MED10: variants seen among roughly 807,000 people sequenced by gnomAD.
MED10 encodes mediator of RNA polymerase II transcription subunit 10.
MED10 carries 9 observed loss-of-function variants against 17.2 expected under a neutral mutation model. The observed-to-expected ratio is 0.52, with a 90% CI of 0.31 to 0.91. The LOEUF (loss-of-function observed/expected upper bound fraction) is 0.91. MED10 is among the 40% of genes least tolerant of loss of function. The pLI is 0.04. For synonymous variants in MED10, 66 were observed against 59.8 expected, an observed-to-expected ratio of 1.10 and a Z score of -0.48; for missense variants, 129 against 164.8, an observed-to-expected ratio of 0.78 and a Z score of 1.19.
At position 6,372,377 on chromosome 5, in the gene MED10, G is replaced by C. The variant is rs923399213; in HGVS notation, c.*126C>G. 5.4e-6 allele frequency: 4 copies of C among 737,664 alleles called. No homozygotes were observed. The highest frequency in any genetic ancestry group is 3.5e-5 in the African/African-American group (2 of 57,244). The allele number at this position is 737,664 out of a possible 1,614,324, so 45.7% of individuals were successfully genotyped here. A position where few individuals can be genotyped will look rare whatever the true frequency, so the allele number is the denominator to read the frequency against. On this transcript the variant is annotated 3_prime_UTR_variant, in exon 4 of 4. Transcript: ENST00000255764. ...CCCATGAGGCCAAACAATGAGGACA[G>C]AGGGGCTGAGGGGTGTGTCCAGGGC...
chr5:6,374,762 T>C, intron 2 of MED10: 1 of 212,262 alleles, frequency 4.7e-6, no homozygotes, highest in South Asian at 8.0e-5. Context: ...TTTTTGATCC[T>C]TACAGCAGCT....
In MED10 at chr5:6,372,537, C is replaced by T. The variant is rs1347732982; in HGVS notation, c.374G>A (p.Arg125Gln). 6.2e-6 allele frequency: 10 copies of T among 1,614,056 alleles called. No individual in the cohort carries two copies. In the Admixed American group the frequency reaches 6.7e-5, roughly 11 times the overall value. Reference protein sequence around the residue: ...KVFPEDMAKYRSIRGEDHPPS With the variant: ...KVFPEDMAKYQSIRGEDHPPS ...CGGGTGATCCTCCCCCCGGATGCTT[C>T]GATACTTAGCCATGTCTTCCGGAAA... Residue 125 changes from arginine to glutamine, a missense_variant, in exon 4 of 4, where the codon CGA (arginine) becomes CAA (glutamine). Arg to Gln is a conservative substitution (Grantham distance 43, BLOSUM62 1). Around this residue, in one of 3 missense-constraint regions of MED10, gnomAD observed 100 missense variants for 121.0 expected, o/e 0.83. Transcript: ENST00000255764.
At chr5:6,376,294 T>A (rs1050627495) in intron 2 of MED10, among the ~76,000 whole-genome samples, 2 of 152,224 alleles carry the variant, frequency 1.3e-5, no homozygotes, top group Non-Finnish European at 2.9e-5. Flanking sequence ...CTCTTTCCCT[T>A]TACTGCTTAA....
Position 6,372,359 on chromosome 5 carries a change from G to A in MED10, c.*144C>T, listed in dbSNP as rs1031234958. 14 of 659,652 alleles carry A rather than the reference G, an allele frequency of 2.1e-5. No individual in the cohort carries two copies. Among genetic ancestry groups the A allele is most frequent in the Admixed American group, 1.1e-4 (4 of 35,586 alleles). The allele number at this position is 659,652 out of a possible 1,614,324, so 40.9% of individuals were successfully genotyped here. Reference sequence around the variant, plus strand: ...CTCCTCCAGCCCCTCGGTCCCATGAGGCCAAACAATGAGGACAGAGGGGCT... The same window carrying A: ...CTCCTCCAGCCCCTCGGTCCCATGAAGCCAAACAATGAGGACAGAGGGGCT... On this transcript the variant is annotated 3_prime_UTR_variant, in exon 4 of 4. Transcript: ENST00000255764.
chr5:6,377,240 A>T lies in MED10; in HGVS notation c.132T>A (p.Ile44=). The change falls in exon 2 of 4, where the codon ATT becomes ATA. Residue 44 remains isoleucine (I), a synonymous_variant. Coordinates refer to ENST00000255764, the MANE Select transcript of MED10 (RefSeq NM_032286.3). ...QAGLNQKLNF[I]VTGLQDIDKC... is the part of the protein sequence containing the mutation. ...TGTCAATATCCTGTAAGCCAGTAAC[A>T]ATAAAATTCCTGGGGGAAAGGCAAA... The T allele has an allele frequency of 6.2e-7, 1 of 1,609,406 alleles. No homozygotes were observed. The highest frequency in any genetic ancestry group is 2.2e-5 in the East Asian group (1 of 44,820).
In MED10 at chr5:6,378,350, G is replaced by T; in HGVS notation, c.122+12C>A. 6.3e-7 allele frequency: 1 copy of T among 1,596,612 alleles called. No homozygotes were observed. ...CCTGGGGAGACCCCGGCAGCCTCGG[G>T]CCGCCACTCACAGCTTTTGGTTGAG... is the stretch of plus-strand genomic sequence containing the variant. On this transcript the variant is annotated intron_variant, in intron 1 of 3. Transcript: ENST00000255764.
At chr5:6,376,996 C>A (rs1289628104) in intron 2 of MED10, 170 bp downstream of exon 2, 2 of 433,258 alleles carry the variant, frequency 4.6e-6, no homozygotes, top group African/African-American at 2.0e-5. Flanking sequence ...TCCATAAGGG[C>A]AGGTATTTTT....
At chr5:6,374,516 T>A in intron 2 of MED10, 90 bp from the exon 3 acceptor site, 1 of 901,160 alleles carries the variant, frequency 1.1e-6, no homozygotes, top group Non-Finnish European at 1.8e-6. Flanking sequence ...AAAGGTTAGG[T>A]ATATATAACT....
chr5:6,373,321 C>T (rs1355320749), intron 3 of MED10, among the ~76,000 whole-genome samples: 7 of 152,200 alleles, frequency 4.6e-5, no homozygotes, highest in African/African-American at 1.2e-4. Flanking sequence ...CCCAGTCTGG[C>T]ACCAGGCATC....
At chr5:6,373,490 G>A (rs943654385) in intron 3 of MED10, among the ~76,000 whole-genome samples, 1 of 152,244 alleles carries the variant, frequency 6.6e-6, no homozygotes, top group Non-Finnish European at 1.5e-5. Flanking sequence ...TCTTTGAGGA[G>A]GTGAAATCAT....
In MED10 at chr5:6,372,458, C is replaced by A; in HGVS notation, c.*45G>T. ...AGCACTCGCAGTCCCAGCCTCACGC[C>A]GCATCGCAGTCCCAGGGGATCTTCA... On this transcript the variant is annotated 3_prime_UTR_variant, in exon 4 of 4. Coordinates refer to ENST00000255764, the MANE Select transcript of MED10 (RefSeq NM_032286.3). The A allele has an allele frequency of 3.2e-6, 5 of 1,543,440 alleles. No individual in the cohort carries two copies. Among genetic ancestry groups the A allele is most frequent in the Non-Finnish European group, 4.5e-6 (5 of 1,116,188 alleles).
intron 1 of MED10, 113 bp downstream of exon 1, chr5:6,378,248 CG>C: frequency 2.2e-6 from 3 of 1,382,056 alleles, no homozygotes; most frequent in Non-Finnish European, 2.9e-6. Context: ...AGAGGGCTGG[CG>C]GGGCACGAGT....
intron 3 of MED10, among the ~76,000 whole-genome samples, chr5:6,374,051 TA>T (rs1290480651): frequency 2.0e-5 from 3 of 152,182 alleles, no homozygotes; most frequent in Non-Finnish European, 4.4e-5. Context: ...AAGTGCATCT[TA>T]AAAAAATGAA....
At chr5:6,377,636 G>C (rs528872671) in intron 1 of MED10, among the ~76,000 whole-genome samples, 3 of 152,314 alleles carry the variant, frequency 2.0e-5, no homozygotes, top group African/African-American at 7.2e-5. Flanking sequence ...ATACTGTCTG[G>C]TTTAGCTTCC....
chr5:6,375,963 G>T (rs1203200529), intron 2 of MED10, among the ~76,000 whole-genome samples: 1 of 152,232 alleles, frequency 6.6e-6, no homozygotes, highest in African/African-American at 2.4e-5. Context: ...GACACAAGTA[G>T]TTACTTGCCA....
intron 3 of MED10, among the ~76,000 whole-genome samples, chr5:6,372,947 A>G (rs1452810645): frequency 6.6e-6 from 1 of 152,032 alleles, no homozygotes; most frequent in Non-Finnish European, 1.5e-5. Flanking sequence ...TATAATTCTC[A>G]CTCAGCTTTA....
rs947295361 is a variant in MED10, at chr5:6,372,320, G to A, written c.*183C>T. 1.0e-5 allele frequency: 6 copies of A among 576,982 alleles called. No homozygotes were observed. The highest frequency in any genetic ancestry group is 1.8e-5 in the Non-Finnish European group (6 of 324,656). 35.7% of individuals were successfully genotyped at this position (576,982 alleles called of 1,614,324 possible). A position where few individuals can be genotyped will look rare whatever the true frequency, so the allele number is the denominator to read the frequency against. On this transcript the variant is annotated 3_prime_UTR_variant, in exon 4 of 4. Coordinates refer to ENST00000255764, the MANE Select transcript of MED10 (RefSeq NM_032286.3). ...CAGACAAGCTGCTGGAACAGCTGGG[G>A]CACAGCTCCGCCTCTCCTCCAGCCC... is the stretch of plus-strand genomic sequence containing the variant.
At position 6,372,316 on chromosome 5, in the gene MED10, TG is replaced by T; in HGVS notation, c.*186del. On this transcript the variant is annotated 3_prime_UTR_variant, in exon 4 of 4. Transcript: ENST00000255764. ...ACGCCAGACAAGCTGCTGGAACAGC[TG>T]GGGCACAGCTCCGCCTCTCCTCCAG... 1 of 573,724 alleles carries T rather than the reference TG, an allele frequency of 1.7e-6. No individual in the cohort carries two copies. The allele number at this position is 573,724 out of a possible 1,614,324, so 35.5% of individuals were successfully genotyped here.
Position 6,372,547 on chromosome 5 carries a change from C to T in MED10, c.364G>A (p.Ala122Thr), listed in dbSNP as rs570030190. Reference sequence around the variant, plus strand: ...TCCCCCCGGATGCTTCGATACTTAGCCATGTCTTCCGGAAATACTTTAGAA... The same window carrying T: ...TCCCCCCGGATGCTTCGATACTTAGTCATGTCTTCCGGAAATACTTTAGAA... ...ELSKVFPEDM[A>T]KYRSIRGEDH... Residue 122 changes from alanine (A) to threonine (T), a missense_variant, in exon 4 of 4, where the codon GCT (alanine) becomes ACT (threonine). Around this residue, in one of 3 missense-constraint regions of MED10, gnomAD observed 100 missense variants for 121.0 expected, o/e 0.83. Coordinates refer to ENST00000255764, the MANE Select transcript of MED10 (RefSeq NM_032286.3). The T allele has an allele frequency of 5.6e-6, 9 of 1,614,202 alleles. No homozygotes were observed. The Admixed American group carries it at 1.5e-4, about 27-fold the overall frequency.
Sources: gnomAD v4.1 joint callset for allele counts (sites outside exome capture counted in the v4.1 genomes callset) on GRCh38, gnomAD v4.1.1 for gene constraint, gnomAD v4.1.1 regional missense constraint, MANE v1.5 for transcripts, NCBI Gene and HGNC (gene_info 2026-07-23, HGNC 2026-07-21) for gene names.